Variants in THBS3 observed in about 807,000 individuals in gnomAD.
THBS3 encodes thrombospondin-3.
In THBS3, 78 loss-of-function variants were observed where a neutral mutation model predicts 118.3. The observed-to-expected ratio is 0.66, with a 90% CI of 0.55 to 0.80. The LOEUF (loss-of-function observed/expected upper bound fraction) is 0.80, where lower values mean the gene tolerates loss of function less well. Ranked by LOEUF, THBS3 falls within the 30% of genes least tolerant of loss-of-function variation. The pLI is 0.00. For synonymous variants in THBS3, 427 were observed against 475.3 expected, an observed-to-expected ratio of 0.90 and a Z score of 1.32; for missense variants, 1,057 against 1,247.4, an observed-to-expected ratio of 0.85 and a Z score of 2.30.
At position 155,197,989 on chromosome 1, in the gene THBS3, C is replaced by G; in HGVS notation, c.2253+53G>C. 1 of 1,614,040 alleles carries G rather than the reference C, an allele frequency of 6.2e-7. No homozygotes were observed. The highest frequency in any genetic ancestry group is 8.5e-7 in the Non-Finnish European group (1 of 1,179,926). ...GGTGTGCTATCCCTCCCAGGCCCCCCGTCCCAGTAGCCCTGTCTGATAGCA... is the reference window on the plus strand; with the variant it reads ...GGTGTGCTATCCCTCCCAGGCCCCCGGTCCCAGTAGCCCTGTCTGATAGCA... On this transcript the variant is annotated intron_variant, in intron 18 of 22. Transcript: ENST00000368378. This position sits in a 1 kb window ranked among gnomAD's most constrained non-coding sequence, Gnocchi z 5.0.
Position 155,206,914 on chromosome 1 carries a change from CCTTTCCCCAT to C in THBS3, c.80-518_80-509del, listed in dbSNP as rs1670634084. Among the ~76,000 whole-genome samples the C allele has an allele frequency of 6.6e-6, 1 of 152,114 alleles. No homozygotes were observed. Among genetic ancestry groups the C allele is most frequent in the Non-Finnish European group, 1.5e-5 (1 of 68,006 alleles). On this transcript the variant is annotated intron_variant, in intron 1 of 22. Coordinates refer to ENST00000368378, the MANE Select transcript of THBS3 (RefSeq NM_007112.5). This position sits in a 1 kb window ranked among gnomAD's most constrained non-coding sequence, Gnocchi z 4.2. ...TCAGAGGACAGAGGCACTGTGCCTT[CCTTTCCCCAT>C]TATTGCCTATTACTACCTTCCAGGA...
chr1:155,200,489 C>T lies in THBS3; in HGVS notation c.1670G>A (p.Gly557Glu), dbSNP rs1471077814. 6.2e-7 allele frequency: 1 copy of T among 1,614,190 alleles called. No individual in the cohort carries two copies. Among genetic ancestry groups the T allele is most frequent in the Non-Finnish European group, 8.5e-7 (1 of 1,180,034 alleles). The stretch of plus-strand genomic sequence containing the variant: ...GTCGTTGTCACAGGCATCTCCTTCC[C>T]CATTGCCATCTGTGTCCTTCTGGTC... Reference protein sequence around the residue: ...NNDQKDTDGNGEGDACDNDVD... With the variant: ...NNDQKDTDGNEEGDACDNDVD... Residue 557 changes from glycine to glutamate, a missense_variant, in exon 14 of 23, where the codon GGG becomes GAG. Physicochemically the swap from Gly to Glu is moderately conservative, Grantham distance 98 (BLOSUM62 -2). Transcript: ENST00000368378.
In THBS3 at chr1:155,202,118, T is replaced by G. The variant is rs547420029; in HGVS notation, c.1099-84A>C. 4.2e-5 allele frequency: 67 copies of G among 1,609,358 alleles called. No homozygotes were observed. The South Asian group carries it at 7.1e-4, about 17-fold the overall frequency. ...GAGGACACTGGTATGGCCTTATCTG[T>G]GAACATCAACATTAAGCCCAGACCC... On this transcript the variant is annotated intron_variant, in intron 9 of 22. Coordinates refer to ENST00000368378, the MANE Select transcript of THBS3 (RefSeq NM_007112.5). This position sits in a 1 kb window ranked among gnomAD's most constrained non-coding sequence, Gnocchi z 5.5.
chr1:155,196,318 C>T, intron 21 of THBS3, 192 bp from the exon 22 acceptor site: 3 of 625,776 alleles, frequency 4.8e-6, no homozygotes, highest in Admixed American at 6.1e-5. Flanking sequence ...GGGCCCCTAG[C>T]TCTTTGTCCA....
intron 10 of THBS3, 152 bp from the exon 11 acceptor site, chr1:155,201,721 T>C: frequency 9.9e-7 from 1 of 1,012,758 alleles, no homozygotes; most frequent in South Asian, 1.6e-5. Flanking sequence ...CCTTTCAGGG[T>C]GGATAACAGC....
intron 4 of THBS3, among the ~76,000 whole-genome samples, chr1:155,204,300 C>T (rs988358066): frequency 1.3e-5 from 2 of 152,192 alleles, no homozygotes; most frequent in South Asian, 2.1e-4. Context: ...ATAAAAGACT[C>T]GAGACCAGGC....
upstream of THBS3, chr1:155,207,898 C>A: frequency 6.2e-7 from 1 of 1,612,922 alleles, no homozygotes; most frequent in Non-Finnish European, 8.5e-7. Flanking sequence ...GGCTCACTAC[C>A]CCTGGCAGGC....
rs1469723588 is a variant in THBS3 at position 155,197,289 on chromosome 1, G to T, written c.2500-76C>A. 6.4e-7 allele frequency: 1 copy of T among 1,571,174 alleles called. No individual in the cohort carries two copies. The highest frequency in any genetic ancestry group is 1.3e-5 in the African/African-American group (1 of 74,122). On this transcript the variant is annotated intron_variant, in intron 20 of 22. Transcript: ENST00000368378. The surrounding 1 kb of genome is among the most constrained non-coding windows in gnomAD (Gnocchi z 5.0). ...GGAGACAACAGGTCGGTAAGTGCAG[G>T]TGGGAAAGGGATTCAAGGCGGTCAT... is the stretch of plus-strand genomic sequence containing the variant.
At chr1:155,208,438 G>A (rs1409391214), upstream of THBS3, among the ~76,000 whole-genome samples, 1 of 152,224 alleles carries the variant, frequency 6.6e-6, no homozygotes, top group Admixed American at 6.5e-5. Context: ...GGAAAGCTTG[G>A]GAGTCTGGAA....
At chr1:155,208,786 A>G, upstream of THBS3, 1 of 1,505,366 alleles carries the variant, frequency 6.6e-7, no homozygotes, top group Non-Finnish European at 8.9e-7. Flanking sequence ...CGCTCCAAAC[A>G]TAACGCGCTG....
chr1:155,204,720 A>G (rs1670292192), intron 4 of THBS3, 135 bp downstream of exon 4: 2 of 810,870 alleles, frequency 2.5e-6, no homozygotes. Context: ...AAGATTTGGA[A>G]TAACAGGGTT....
chr1:155,201,314 G>T (rs1325589873), intron 11 of THBS3, 103 bp downstream of exon 11: 4 of 1,576,822 alleles, frequency 2.5e-6, no homozygotes, highest in African/African-American at 2.7e-5. Context: ...CTGGGCCCAG[G>T]CCCACCTCTC....
chr1:155,198,080 C>T lies in THBS3; in HGVS notation c.2215G>A (p.Asp739Asn), dbSNP rs1668991182. 3.1e-6 allele frequency: 5 copies of T among 1,614,206 alleles called. No homozygotes were observed. In the South Asian group the frequency reaches 4.4e-5, roughly 14 times the overall value. ...YQTVVLDPEG[D>N]AQIDPNWVVL... Reference sequence around the variant, plus strand: ...ACCCAGTTTGGGTCAATCTGAGCATCACCCTCAGGATCCAGGACGACGGTC... The same window carrying T: ...ACCCAGTTTGGGTCAATCTGAGCATTACCCTCAGGATCCAGGACGACGGTC... Residue 739 changes from aspartate (D) to asparagine (N), a missense_variant, in exon 18 of 23, where the codon GAT becomes AAT. Around this residue, in one of 3 missense-constraint regions of THBS3, gnomAD observed 307 missense variants for 326.1 expected, o/e 0.94. Transcript: ENST00000368378.
At chr1:155,201,387 T>C in intron 11 of THBS3, 30 bp downstream of exon 11, 1 of 1,576,786 alleles carries the variant, frequency 6.3e-7, no homozygotes, top group Non-Finnish European at 8.6e-7. Flanking sequence ...AGACCCTCCC[T>C]TTTCCTTCCA....
chr1:155,205,940 C>A (rs1298538934), intron 2 of THBS3, among the ~76,000 whole-genome samples: 1 of 152,168 alleles, frequency 6.6e-6, no homozygotes, highest in African/African-American at 2.4e-5. Context: ...ATGCCTCACC[C>A]TCCTTCCAGG....
At chr1:155,207,496 C>T (rs896216685) in intron 1 of THBS3, among the ~76,000 whole-genome samples, 2 of 152,016 alleles carry the variant, frequency 1.3e-5, no homozygotes, top group African/African-American at 4.8e-5. Context: ...TCTCCCAGAC[C>T]CTAGGGTGCC....
chr1:155,199,463 C>T lies in THBS3; in HGVS notation c.1880+341G>A, dbSNP rs569014028. ...GGAAAGTAAAATATCCCCTATAAGA[C>T]CTTGCATTTCGCTGGCACAGTGGCT... On this transcript the variant is annotated intron_variant, in intron 16 of 22. Transcript: ENST00000368378. Among the ~76,000 whole-genome samples the T allele has an allele frequency of 4.1e-5, 6 of 147,018 alleles. No individual in the cohort carries two copies. In the South Asian group the frequency reaches 1.1e-3, roughly 27 times the overall value.
chr1:155,196,711 C>G, intron 21 of THBS3: 1 of 315,772 alleles, frequency 3.2e-6, no homozygotes, highest in South Asian at 7.1e-5. Flanking sequence ...TCAGATGATC[C>G]CTATCCACGT....
In THBS3 at chr1:155,197,067, C is replaced by A; in HGVS notation, c.2646G>T (p.Leu882=). The change falls in exon 21 of 23, where the codon CTG becomes CTT. Residue 882 remains leucine (L), a synonymous_variant. Transcript: ENST00000368378. This position sits in a 1 kb window ranked among gnomAD's most constrained non-coding sequence, Gnocchi z 5.0. ...RDKTSYRWQL[L]HRPQVGYIRV... is the part of the protein sequence containing the mutation. ...GAATGTAGCCAACTTGAGGCCGGTG[C>A]AGAAGCTGCCAGCGATAGGAGGTCT... 2 of 1,614,026 alleles carry A rather than the reference C, an allele frequency of 1.2e-6. No individual in the cohort carries two copies. The highest frequency in any genetic ancestry group is 1.7e-6 in the Non-Finnish European group (2 of 1,179,990).
Sources: allele counts gnomAD v4.1 joint callset (sites outside exome capture counted in the v4.1 genomes callset), GRCh38; gene constraint gnomAD v4.1.1; regional missense constraint gnomAD v4.1.1; non-coding constraint Gnocchi (gnomAD v3.1); transcripts MANE v1.5; gene names NCBI Gene and HGNC (gene_info 2026-07-23, HGNC 2026-07-21).